Variants in CFAP54 observed in about 807,000 individuals in gnomAD.
The protein encoded by CFAP54 is cilia and flagella associated protein 54.
CFAP54 carries 290 observed loss-of-function variants against 370.4 expected under a neutral mutation model. The ratio of observed to expected loss-of-function variants is 0.78; its 90% confidence interval spans 0.71 to 0.86. The LOEUF (loss-of-function observed/expected upper bound fraction) is 0.86. Ranked by LOEUF, CFAP54 falls within the 40% of genes least tolerant of loss-of-function variation. The pLI is 0.00. For synonymous variants in CFAP54, 1,206 were observed against 1,236.5 expected (o/e 0.98, Z 0.52); for missense variants, 3,399 against 3,528.7 (o/e 0.96, Z 0.93).
chr12:96,532,447 G>A (rs1215160974), intron 9 of CFAP54, among the ~76,000 whole-genome samples: 1 of 152,068 alleles, frequency 6.6e-6, no homozygotes, highest in East Asian at 1.9e-4. Context: ...CTCTTCCTAA[G>A]AAAAATACAA....
intron 8 of CFAP54, among the ~76,000 whole-genome samples, chr12:96,526,319 A>G (rs7315637): frequency 0.27 from 40,617 of 152,122 alleles, 5,737 homozygotes; most frequent in South Asian, 0.38. Flanking sequence ...GGGCCAGTAC[A>G]AAGCAGAATG....
rs552550833 is a variant in CFAP54, at chr12:96,657,061, C to T, written c.5101-821C>T. Among the ~76,000 whole-genome samples the T allele has an allele frequency of 3.2e-4, 48 of 152,242 alleles. No individual in the cohort carries two copies. The South Asian group carries it at 5.4e-3, about 17-fold the overall frequency. ...AGCTCTTGTTAGAGGGGATGTTTAT[C>T]CTCTACTTTTGTTGATACTTCACAC... On this transcript the variant is annotated intron_variant, in intron 36 of 67. Transcript: ENST00000524981.
chr12:96,735,046 G>C (rs1372326307), intron 50 of CFAP54, among the ~76,000 whole-genome samples: 2 of 152,084 alleles, frequency 1.3e-5, no homozygotes, highest in Non-Finnish European at 2.9e-5. Context: ...AAAAATATCT[G>C]TCTGCTTACA....
intron 44 of CFAP54, among the ~76,000 whole-genome samples, chr12:96,693,002 A>G (rs1957402516): frequency 6.6e-6 from 1 of 152,152 alleles, no homozygotes; most frequent in East Asian, 1.9e-4. Flanking sequence ...CTCTGGATGG[A>G]TCGTGGTTGG....
chr12:96,846,903 C>A (rs79182203), intron 66 of CFAP54, among the ~76,000 whole-genome samples: 1,692 of 152,250 alleles, frequency 0.011, 78 homozygotes, highest in East Asian at 0.1. Flanking sequence ...CTGACACCAA[C>A]TGGGTGTCCA....
intron 60 of CFAP54, among the ~76,000 whole-genome samples, chr12:96,772,493 T>A (rs1303606775): frequency 1.3e-5 from 2 of 152,174 alleles, no homozygotes; most frequent in Admixed American, 6.5e-5. Flanking sequence ...TCTGACTTCG[T>A]TTCTGCATAT....
At chr12:96,739,262 A>G (rs915772943) in intron 50 of CFAP54, among the ~76,000 whole-genome samples, 7 of 152,204 alleles carry the variant, frequency 4.6e-5, no homozygotes, top group Non-Finnish European at 8.8e-5. Flanking sequence ...TCAAAAGAAG[A>G]CAGCTCTTAA....
At chr12:96,753,689 T>TTATAA (rs1277540095) in intron 55 of CFAP54, 54 bp from the exon 56 acceptor site, 23 of 1,567,160 alleles carry the variant, frequency 1.5e-5, no homozygotes, top group Middle Eastern at 1.7e-4. Context: ...TGGAGGCTTG[T>TTATAA]TATAAACACC....
intron 26 of CFAP54, among the ~76,000 whole-genome samples, chr12:96,600,249 A>G (rs1373158262): frequency 6.6e-6 from 1 of 152,218 alleles, no homozygotes; most frequent in East Asian, 1.9e-4. Flanking sequence ...CATTTATTAA[A>G]TAGGGAATCC....
intron 19 of CFAP54, among the ~76,000 whole-genome samples, chr12:96,568,496 G>T (rs1955883547): frequency 6.6e-6 from 1 of 152,018 alleles, no homozygotes; most frequent in African/African-American, 2.4e-5. Context: ...TTAATGATCA[G>T]TCCTCAGGGT....
chr12:96,667,490 T>C (rs1441799728), intron 39 of CFAP54, among the ~76,000 whole-genome samples: 2 of 152,226 alleles, frequency 1.3e-5, no homozygotes, highest in African/African-American at 4.8e-5. Context: ...CAACACCATG[T>C]GGAAACTTCC....
At chr12:96,507,974 C>T (rs1046410527) in intron 4 of CFAP54, among the ~76,000 whole-genome samples, 1 of 152,136 alleles carries the variant, frequency 6.6e-6, no homozygotes, top group African/African-American at 2.4e-5. Flanking sequence ...CCACCACTGC[C>T]ATCTCTCACA....
At chr12:96,639,955 A>G (rs1333852057) in intron 32 of CFAP54, among the ~76,000 whole-genome samples, 3 of 152,160 alleles carry the variant, frequency 2.0e-5, no homozygotes, top group Admixed American at 1.3e-4. Flanking sequence ...ATCTATGACA[A>G]ACCCACAGCC....
chr12:96,865,781 C>G (rs1697476319), intron 67 of CFAP54, among the ~76,000 whole-genome samples: 1 of 152,108 alleles, frequency 6.6e-6, no homozygotes, highest in African/African-American at 2.4e-5. Context: ...ATTCTCATCT[C>G]ATTATATGAC....
At chr12:96,751,667 CT>C (rs1399471948) in intron 55 of CFAP54, among the ~76,000 whole-genome samples, 1 of 152,032 alleles carries the variant, frequency 6.6e-6, no homozygotes, top group Non-Finnish European at 1.5e-5. Flanking sequence ...TTTTATTTCC[CT>C]TCTAGCCTGG....
intron 67 of CFAP54, among the ~76,000 whole-genome samples, chr12:96,866,756 G>T (rs1361567211): frequency 6.6e-6 from 1 of 152,094 alleles, no homozygotes; most frequent in Non-Finnish European, 1.5e-5. Flanking sequence ...AATACTGAAA[G>T]GTGAAAATAA....
chr12:96,559,060 A>G (rs149144712), intron 17 of CFAP54, among the ~76,000 whole-genome samples: 27 of 152,202 alleles, frequency 1.8e-4, no homozygotes, highest in Admixed American at 6.5e-4. Context: ...TACTAAAAAT[A>G]CAAAAATCAG....
At chr12:96,505,841 A>G (rs1210031465) in intron 3 of CFAP54, among the ~76,000 whole-genome samples, 2 of 121,970 alleles carry the variant, frequency 1.6e-5, no homozygotes, top group African/African-American at 6.3e-5. Flanking sequence ...TCAATGCTGC[A>G]TGAGCCTGGT....
chr12:96,625,623 ATC>A lies in CFAP54; in HGVS notation c.3887-91_3887-90del, dbSNP rs1169549193. On this transcript the variant is annotated intron_variant, in intron 28 of 67. Transcript: ENST00000524981. ...ATAAATAGTATTTTCCTGTTTTGTCATCTCTTTTAAAGAATTGTTATTGTGAA... is the reference window on the plus strand; with the variant it reads ...ATAAATAGTATTTTCCTGTTTTGTCATCTTTTAAAGAATTGTTATTGTGAA... 8 of 654,286 alleles carry A rather than the reference ATC, an allele frequency of 1.2e-5. No homozygotes were observed. In the East Asian group the frequency reaches 2.1e-4, roughly 17 times the overall value. The allele number at this position is 654,286 out of a possible 1,614,324, so 40.5% of individuals were successfully genotyped here.
Sources: gnomAD v4.1 joint callset for allele counts (sites outside exome capture counted in the v4.1 genomes callset) on GRCh38, gnomAD v4.1.1 for gene constraint, MANE v1.5 for transcripts, NCBI Gene and HGNC (gene_info 2026-07-23, HGNC 2026-07-21) for gene names.